Variants in NCOA7 observed in about 807,000 individuals in gnomAD.
NCOA7 encodes the protein 140 kDa estrogen receptor-associated protein.
NCOA7 carries 45 observed loss-of-function variants against 104.3 expected under a neutral mutation model. The observed-to-expected ratio is 0.43, with a 90% CI of 0.34 to 0.55. The LOEUF is 0.55. Among genes scored for constraint, NCOA7 ranks in the 20% least tolerant of loss-of-function variants. NCOA7 has a pLI of 0.02. For missense variants in NCOA7, 1,041 were observed against 1,119.7 expected, an observed-to-expected ratio of 0.93 and a Z score of 1.00; for synonymous variants, 398 against 402.3, an observed-to-expected ratio of 0.99 and a Z score of 0.13.
In NCOA7 at chr6:125,855,006, TC is replaced by T. The variant is rs780007884; in HGVS notation, c.51-11del. 1.3e-6 allele frequency: 2 copies of T among 1,558,722 alleles called. No homozygotes were observed. Among genetic ancestry groups the T allele is most frequent in the Non-Finnish European group, 1.7e-6 (2 of 1,155,608 alleles). On this transcript the variant is annotated splice_polypyrimidine_tract_variant and intron_variant, in intron 2 of 15. Coordinates refer to ENST00000392477, the MANE Select transcript of NCOA7 (RefSeq NM_181782.5). ...TCTCTCCAATGTTTTTTCTTTTTTTTCCCTCTTTCCTAGACTGAAAAAGAAA... is the reference window on the plus strand; with the variant it reads ...TCTCTCCAATGTTTTTTCTTTTTTTTCCTCTTTCCTAGACTGAAAAAGAAA...
intron 11 of NCOA7, among the ~76,000 whole-genome samples, chr6:125,915,791 G>C (rs1787019985): frequency 6.6e-6 from 1 of 151,750 alleles, no homozygotes; most frequent in South Asian, 2.1e-4. Flanking sequence ...AATATATTTG[G>C]CTTTGTAGGC....
intron 1 of NCOA7, among the ~76,000 whole-genome samples, chr6:125,795,581 T>C (rs1775243164): frequency 6.6e-6 from 1 of 152,206 alleles, no homozygotes; most frequent in Admixed American, 6.5e-5. Context: ...TCCCACTGCC[T>C]CTGTTTGGCT....
intron 11 of NCOA7, among the ~76,000 whole-genome samples, chr6:125,918,640 A>G (rs886861892): frequency 1.2e-4 from 18 of 152,276 alleles, no homozygotes; most frequent in African/African-American, 4.1e-4. Flanking sequence ...CATCCTGCTT[A>G]TTAGTCATTA....
At chr6:125,803,794 GT>G (rs1254006540) in intron 1 of NCOA7, among the ~76,000 whole-genome samples, 6 of 152,148 alleles carry the variant, frequency 3.9e-5, no homozygotes, top group Non-Finnish European at 5.9e-5. Flanking sequence ...TATACTGTAT[GT>G]TTTTGGAAAG....
chr6:125,786,261 AT>A (rs1250914132), upstream of NCOA7: 9 of 152,342 alleles, frequency 5.9e-5, no homozygotes, highest in East Asian at 1.7e-3. Context: ...AGAAAGAAGG[AT>A]AGGTTCACTA....
At position 125,928,929 on chromosome 6, in the gene NCOA7, T is replaced by C. The variant is rs1788286409; in HGVS notation, c.*158T>C. 4 of 787,434 alleles carry C rather than the reference T, an allele frequency of 5.1e-6. No individual in the cohort carries two copies. The highest frequency in any genetic ancestry group is 7.7e-6 in the Non-Finnish European group (4 of 520,210). 48.8% of individuals were successfully genotyped at this position (787,434 alleles called of 1,614,324 possible). ...GAGCATGATCACATTGCAGAAAGAT[T>C]CTGGAAGGTCCATGTAGAGGGCAGA... On this transcript the variant is annotated 3_prime_UTR_variant, in exon 16 of 16. Transcript: ENST00000392477.
rs185553235 is a variant in NCOA7, at chr6:125,898,850, A to G, written c.2096+8040A>G. Among the ~76,000 whole-genome samples, 29 of 152,272 alleles carry G rather than the reference A, an allele frequency of 1.9e-4. 2 individuals are homozygous for G. The East Asian group carries it at 5.6e-3, about 29-fold the overall frequency. On this transcript the variant is annotated intron_variant, in intron 10 of 15. Coordinates refer to ENST00000392477, the MANE Select transcript of NCOA7 (RefSeq NM_181782.5). ...ATAAAAAATGTATTTGTTATTTCTT[A>G]TAATTAAAATTATACAGACTAATAT...
At chr6:125,921,593 T>A (rs1455449884) in intron 12 of NCOA7, among the ~76,000 whole-genome samples, 2 of 152,082 alleles carry the variant, frequency 1.3e-5, no homozygotes, top group African/African-American at 4.8e-5. Context: ...GACACTAACA[T>A]CCTTCTCTCA....
rs1470268425 is a variant in NCOA7 at position 125,791,087 on chromosome 6, C to T, written c.-65+20C>T. Reference sequence around the variant, plus strand: ...CTGTAGGTAGGTGGTGAGGCGGGGCCCAGCCCTCGCCGCCGCCCGCCGCTG... The same window carrying T: ...CTGTAGGTAGGTGGTGAGGCGGGGCTCAGCCCTCGCCGCCGCCCGCCGCTG... On this transcript the variant is annotated intron_variant, in intron 1 of 15. Coordinates refer to ENST00000392477, the MANE Select transcript of NCOA7 (RefSeq NM_181782.5). 1 of 153,304 alleles carries T rather than the reference C, an allele frequency of 6.5e-6. No individual in the cohort carries two copies. Among genetic ancestry groups the T allele is most frequent in the Non-Finnish European group, 1.4e-5 (1 of 69,038 alleles). 9.5% of individuals were successfully genotyped at this position (153,304 alleles called of 1,614,324 possible). A position where few individuals can be genotyped will look rare whatever the true frequency, so the allele number is the denominator to read the frequency against.
chr6:125,915,130 G>T (rs888960126), intron 10 of NCOA7, among the ~76,000 whole-genome samples: 2 of 151,984 alleles, frequency 1.3e-5, no homozygotes, highest in African/African-American at 4.8e-5. Context: ...TAACAGTTTC[G>T]CAGTGCCTGT....
intron 3 of NCOA7, among the ~76,000 whole-genome samples, chr6:125,871,281 GAGCACCATTCTAA>G (rs113370037): frequency 0.37 from 56,326 of 151,872 alleles, 12,509 homozygotes; most frequent in African/African-American, 0.64. Flanking sequence ...ACTAGGGTTG[GAGCACCATTCTAA>G]AGCACAATGG....
At chr6:125,872,671 GGAAA>G (rs1035157043) in intron 3 of NCOA7, among the ~76,000 whole-genome samples, 1 of 152,194 alleles carries the variant, frequency 6.6e-6, no homozygotes, top group Non-Finnish European at 1.5e-5. Flanking sequence ...TTCTTTAGAA[GGAAA>G]GAAAGACGAG....
intron 1 of NCOA7, among the ~76,000 whole-genome samples, chr6:125,804,441 A>G (rs1210209674): frequency 6.6e-6 from 1 of 152,160 alleles, no homozygotes; most frequent in Non-Finnish European, 1.5e-5. Flanking sequence ...CAGGTAATCA[A>G]AAGCATGTCA....
chr6:125,859,493 C>T (rs997098383), intron 3 of NCOA7, among the ~76,000 whole-genome samples: 5 of 151,658 alleles, frequency 3.3e-5, no homozygotes, highest in African/African-American at 7.3e-5. Context: ...ATGAATGTAT[C>T]GAAAAAAAGA....
intron 8 of NCOA7, among the ~76,000 whole-genome samples, chr6:125,887,430 C>G (rs976749385): frequency 2.0e-5 from 3 of 152,176 alleles, no homozygotes; most frequent in African/African-American, 7.2e-5. Context: ...TTGCAAGTTC[C>G]TGCAGAACAG....
intron 2 of NCOA7, among the ~76,000 whole-genome samples, chr6:125,831,776 G>A (rs1011558775): frequency 1.3e-5 from 2 of 152,048 alleles, no homozygotes; most frequent in Admixed American, 6.6e-5. Context: ...TAATTTTCTC[G>A]TTAGTTTTCC....
rs1783797187 is a variant in NCOA7 at position 125,881,206 on chromosome 6, A to G, written c.573+3A>G. The G allele has an allele frequency of 2.5e-6, 4 of 1,576,772 alleles. No homozygotes were observed. Among genetic ancestry groups the G allele is most frequent in the Admixed American group, 1.7e-5 (1 of 59,974 alleles). On this transcript the variant is annotated splice_donor_region_variant and intron_variant, in intron 6 of 15. Coordinates refer to ENST00000392477, the MANE Select transcript of NCOA7 (RefSeq NM_181782.5). The stretch of plus-strand genomic sequence containing the variant: ...ATGCAGAATATGATAAATTGCCTGT[A>G]TGTATATTATGCACTGAAGTTCATT...
chr6:125,898,525 T>C (rs983092646), intron 10 of NCOA7, among the ~76,000 whole-genome samples: 2 of 152,222 alleles, frequency 1.3e-5, no homozygotes, highest in African/African-American at 4.8e-5. Flanking sequence ...TGTGCTACTC[T>C]GATTGTGAAT....
At chr6:125,861,109 AT>A (rs1256674855) in intron 3 of NCOA7, among the ~76,000 whole-genome samples, 3 of 152,214 alleles carry the variant, frequency 2.0e-5, no homozygotes, top group Non-Finnish European at 2.9e-5. Context: ...TATATTAATC[AT>A]TTCAAATCAT....
Sources: gnomAD v4.1 joint callset for allele counts (sites outside exome capture counted in the v4.1 genomes callset) on GRCh38, gnomAD v4.1.1 for gene constraint, MANE v1.5 for transcripts, NCBI Gene and HGNC (gene_info 2026-07-23, HGNC 2026-07-21) for gene names.